Variants in GPHN observed in about 807,000 individuals in gnomAD.
GPHN encodes the protein gephyrin.
Under a neutral mutation model 95.5 loss-of-function variants are expected in GPHN, and 17 were observed. That is an observed-to-expected ratio of 0.18 (90% CI 0.12 to 0.27). The LOEUF (loss-of-function observed/expected upper bound fraction) is 0.27, where lower values mean the gene tolerates loss of function less well. Among genes scored for constraint, GPHN ranks in the 10% least tolerant of loss-of-function variants. The probability of loss-of-function intolerance (pLI) is 1.00; values close to 1 mark genes in which losing one functional copy is unlikely to be tolerated. For synonymous variants in GPHN, 320 were observed against 322.5 expected, an observed-to-expected ratio of 0.99 and a Z score of 0.08; for missense variants, 660 against 978.1, an observed-to-expected ratio of 0.67 and a Z score of 4.34.
the GPHN span, among the ~76,000 whole-genome samples, chr14:67,326,134 CT>C: frequency 7.2e-6 from 1 of 138,854 alleles, no homozygotes; most frequent in African/African-American, 2.7e-5. Context: ...CAGCATCTTT[CT>C]TTTGGTTGGT....
the GPHN span, among the ~76,000 whole-genome samples, chr14:67,431,349 G>GC: frequency 7.5e-6 from 1 of 133,470 alleles, no homozygotes; most frequent in Admixed American, 8.6e-5. Context: ...CCGAGATCGC[G>GC]CCACTGCACT....
the GPHN span, among the ~76,000 whole-genome samples, chr14:67,287,244 C>T: frequency 6.6e-6 from 1 of 151,638 alleles, no homozygotes; most frequent in East Asian, 1.9e-4. Context: ...AAAAAAGACA[C>T]TGGAGATTCT....
the GPHN span, among the ~76,000 whole-genome samples, chr14:67,676,392 G>T: frequency 6.6e-6 from 1 of 152,142 alleles, no homozygotes; most frequent in African/African-American, 2.4e-5. Context: ...GCACAATGCT[G>T]GGACTTGTCA....
intron 2 of GPHN, among the ~76,000 whole-genome samples, chr14:66,726,535 C>G (rs2071255802): frequency 6.6e-6 from 1 of 152,102 alleles, no homozygotes; most frequent in Non-Finnish European, 1.5e-5. Context: ...GATCCCTTTA[C>G]TATTAATAGC....
chr14:67,552,762 G>A, the GPHN span, among the ~76,000 whole-genome samples: 10,173 of 107,152 alleles, frequency 0.095, 396 homozygotes, highest in East Asian at 0.15. Context: ...GCAAGACTCT[G>A]TCTCAAAAAA....
At chr14:67,073,810 A>G (rs1438340893) in intron 11 of GPHN, among the ~76,000 whole-genome samples, 2 of 152,234 alleles carry the variant, frequency 1.3e-5, no homozygotes, top group African/African-American at 2.4e-5. Flanking sequence ...AAAAAAGTGC[A>G]CAACACAATA....
At chr14:66,648,669 A>G (rs1455519402) in intron 1 of GPHN, among the ~76,000 whole-genome samples, 1 of 152,204 alleles carries the variant, frequency 6.6e-6, no homozygotes, top group Non-Finnish European at 1.5e-5. Flanking sequence ...GGTTCACACA[A>G]TGATGAGATC....
At chr14:67,198,541 T>A in the GPHN span, among the ~76,000 whole-genome samples, 1 of 152,252 alleles carries the variant, frequency 6.6e-6, no homozygotes, top group Non-Finnish European at 1.5e-5. Context: ...ACTTCTGTCT[T>A]AACTCTACCA....
At chr14:67,674,737 G>T in the GPHN span, 1 of 387,018 alleles carries the variant, frequency 2.6e-6, no homozygotes, top group Non-Finnish European at 4.6e-6. Flanking sequence ...CGGCCTAGGC[G>T]ACTCCTGAGG....
At chr14:67,519,072 G>C in the GPHN span, among the ~76,000 whole-genome samples, 1 of 152,168 alleles carries the variant, frequency 6.6e-6, no homozygotes, top group African/African-American at 2.4e-5. Context: ...TGGGACATAT[G>C]GATATGGTCT....
At chr14:67,422,826 C>CT in the GPHN span, among the ~76,000 whole-genome samples, 10,582 of 115,812 alleles carry the variant, frequency 0.091, 640 homozygotes, top group Middle Eastern at 0.14. Context: ...CTTTCCCCAT[C>CT]TTTTTTTTTT....
At chr14:67,685,267 C>G in the GPHN span, 184,830 of 1,375,826 alleles carry the variant, frequency 0.13, 14,973 homozygotes, top group South Asian at 0.31. Flanking sequence ...TAGCCCAAAA[C>G]AGAAAAGGAT....
the GPHN span, among the ~76,000 whole-genome samples, chr14:67,618,294 GGGGCC>G: frequency 6.6e-6 from 1 of 152,126 alleles, no homozygotes; most frequent in African/African-American, 2.4e-5. Flanking sequence ...ATTCGCGAGT[GGGGCC>G]CAAGAATTTG....
chr14:67,370,757 G>C, the GPHN span, among the ~76,000 whole-genome samples: 1 of 152,180 alleles, frequency 6.6e-6, no homozygotes, highest in Admixed American at 6.5e-5. Flanking sequence ...CCAGCACAGT[G>C]GTTCATGTCT....
chr14:66,919,816 C>T (rs566928486), intron 6 of GPHN, among the ~76,000 whole-genome samples: 1 of 152,176 alleles, frequency 6.6e-6, no homozygotes, highest in South Asian at 2.1e-4. Flanking sequence ...TCTGTAATCC[C>T]AGCACTTTGG....
At chr14:66,890,909 T>C (rs1242994786) in intron 5 of GPHN, among the ~76,000 whole-genome samples, 3 of 151,844 alleles carry the variant, frequency 2.0e-5, no homozygotes, top group African/African-American at 7.3e-5. Flanking sequence ...CTCAACAAAC[T>C]AGGAAAAGAA....
At chr14:67,429,818 A>G in the GPHN span, among the ~76,000 whole-genome samples, 1 of 152,204 alleles carries the variant, frequency 6.6e-6, no homozygotes, top group African/African-American at 2.4e-5. Flanking sequence ...CAGATACAGT[A>G]CCAGCACCAA....
chr14:66,751,037 A>C (rs976395740), intron 2 of GPHN, among the ~76,000 whole-genome samples: 3 of 151,962 alleles, frequency 2.0e-5, no homozygotes, highest in Non-Finnish European at 4.4e-5. Flanking sequence ...GAATTTTTAA[A>C]AGTAGCAGAA....
intron 2 of GPHN, among the ~76,000 whole-genome samples, chr14:66,723,041 G>GT (rs1275324902): frequency 1.3e-5 from 2 of 151,902 alleles, no homozygotes; most frequent in African/African-American, 4.8e-5. Context: ...TGCATATAGG[G>GT]TTTTTTCCTG....
Sources: allele counts gnomAD v4.1 joint callset (sites outside exome capture counted in the v4.1 genomes callset), GRCh38; gene constraint gnomAD v4.1.1; transcripts MANE v1.5; gene names NCBI Gene and HGNC (gene_info 2026-07-23, HGNC 2026-07-21).